EXOC6B: variants seen among roughly 807,000 people sequenced by gnomAD.
The protein encoded by EXOC6B is SEC15 homolog B.
A neutral mutation model predicts 113.5 loss-of-function variants in EXOC6B; 54 were observed. The ratio of observed to expected loss-of-function variants is 0.48; its 90% confidence interval spans 0.38 to 0.60. The LOEUF is 0.60. Ranked by LOEUF, EXOC6B falls within the 20% of genes least tolerant of loss-of-function variation. The pLI, the probability that EXOC6B is intolerant of heterozygous loss-of-function variation, is 0.00. For missense variants in EXOC6B, 797 were observed against 977.5 expected, an observed-to-expected ratio of 0.82 and a Z score of 2.46; for synonymous variants, 357 against 339.0, an observed-to-expected ratio of 1.05 and a Z score of -0.58.
intron 19 of EXOC6B, among the ~76,000 whole-genome samples, chr2:72,366,127 C>T (rs953716127): frequency 2.0e-5 from 3 of 151,790 alleles, no homozygotes; most frequent in African/African-American, 7.3e-5. Context: ...TATCAATAAC[C>T]TGGAAAATAT....
chr2:72,654,125 G>A (rs866829315), intron 6 of EXOC6B, among the ~76,000 whole-genome samples: 19 of 151,938 alleles, frequency 1.3e-4, no homozygotes, highest in African/African-American at 4.3e-4. Context: ...GCCCACCATC[G>A]CGCCCGGCTA....
intron 6 of EXOC6B, among the ~76,000 whole-genome samples, chr2:72,652,038 T>G (rs1033112884): frequency 6.6e-6 from 1 of 152,206 alleles, no homozygotes; most frequent in Non-Finnish European, 1.5e-5. Context: ...AAATAATCTG[T>G]GATCTCTAGT....
chr2:72,769,036 T>G (rs990858477), intron 1 of EXOC6B, among the ~76,000 whole-genome samples: 1 of 152,010 alleles, frequency 6.6e-6, no homozygotes, highest in Non-Finnish European at 1.5e-5. Flanking sequence ...GTGGCAGTTT[T>G]GGCTACAGAA....
chr2:72,446,377 C>T (rs1424199491), intron 18 of EXOC6B, among the ~76,000 whole-genome samples: 1 of 145,542 alleles, frequency 6.9e-6, no homozygotes, highest in Non-Finnish European at 1.5e-5. Context: ...AATACTCTGT[C>T]TCAAAAAAAA....
intron 19 of EXOC6B, among the ~76,000 whole-genome samples, chr2:72,354,807 G>A (rs575912644): frequency 1.6e-4 from 24 of 152,314 alleles, no homozygotes; most frequent in African/African-American, 3.6e-4. Context: ...GCACAGCACC[G>A]AGCAAGGACA....
At chr2:72,459,813 T>C (rs1220501420) in intron 18 of EXOC6B, among the ~76,000 whole-genome samples, 1 of 152,164 alleles carries the variant, frequency 6.6e-6, no homozygotes, top group Admixed American at 6.5e-5. Context: ...GCCATCCCCA[T>C]CAAGCTACCA....
chr2:72,706,815 G>A (rs559807322), intron 6 of EXOC6B, among the ~76,000 whole-genome samples: 47 of 152,232 alleles, frequency 3.1e-4, no homozygotes, highest in African/African-American at 1.1e-3. Flanking sequence ...CTTGAGTATA[G>A]CTGTCTTGCA....
chr2:72,814,987 T>C (rs2105144868), intron 1 of EXOC6B, among the ~76,000 whole-genome samples: 1 of 152,182 alleles, frequency 6.6e-6, no homozygotes, highest in South Asian at 2.1e-4. Context: ...CGAGACTCCG[T>C]CTCAAAAAAA....
intron 1 of EXOC6B, among the ~76,000 whole-genome samples, chr2:72,749,410 T>C (rs1006334287): frequency 3.3e-5 from 5 of 152,080 alleles, no homozygotes; most frequent in African/African-American, 9.6e-5. Context: ...ATCTAGGGCA[T>C]GTTGATAAAA....
intron 19 of EXOC6B, among the ~76,000 whole-genome samples, chr2:72,372,546 G>T (rs1479355704): frequency 1.3e-5 from 2 of 152,092 alleles, no homozygotes; most frequent in Non-Finnish European, 2.9e-5. Context: ...TTAGAGAAAG[G>T]TGTCAAGAAC....
intron 6 of EXOC6B, among the ~76,000 whole-genome samples, chr2:72,666,579 G>T (rs187046819): frequency 6.6e-6 from 1 of 151,966 alleles, no homozygotes; most frequent in African/African-American, 2.4e-5. Flanking sequence ...GAAAAAAGAA[G>T]TAAAACCATC....
chr2:72,371,377 A>G (rs1691006162), intron 19 of EXOC6B, among the ~76,000 whole-genome samples: 1 of 152,192 alleles, frequency 6.6e-6, no homozygotes, highest in Admixed American at 6.5e-5. Context: ...AATCAAAGAC[A>G]CATCGAAAAA....
At chr2:72,455,678 G>T (rs1697186726) in intron 18 of EXOC6B, among the ~76,000 whole-genome samples, 1 of 152,014 alleles carries the variant, frequency 6.6e-6, no homozygotes, top group Non-Finnish European at 1.5e-5. Context: ...TTTGTAAACT[G>T]GGAGAATAAC....
intron 5 of EXOC6B, among the ~76,000 whole-genome samples, chr2:72,723,959 T>C (rs929457210): frequency 1.3e-5 from 2 of 152,176 alleles, no homozygotes; most frequent in African/African-American, 4.8e-5. Context: ...AGTTGACTTC[T>C]AGGTCATGGG....
chr2:72,612,745 A>G (rs1036272610), intron 6 of EXOC6B, among the ~76,000 whole-genome samples: 4 of 152,210 alleles, frequency 2.6e-5, no homozygotes, highest in African/African-American at 7.2e-5. Flanking sequence ...CTACTGCTTC[A>G]TCAGCCCTAG....
At chr2:72,221,480 C>T (rs1680861277) in intron 20 of EXOC6B, among the ~76,000 whole-genome samples, 2 of 152,148 alleles carry the variant, frequency 1.3e-5, no homozygotes, top group African/African-American at 4.8e-5. Flanking sequence ...AACCTGTCCT[C>T]CCAAATCCCC....
Position 72,177,526 on chromosome 2 carries a change from C to T in EXOC6B, c.*1809G>A, listed in dbSNP as rs1428361714. On this transcript the variant is annotated 3_prime_UTR_variant, in exon 22 of 22. Transcript: ENST00000272427. ...TCTTGGCTTATCAAGTTCTGGGTGG[C>T]AGTGCTCATCCCTTACCCTCATTCT... The T allele has an allele frequency of 1.3e-5, 2 of 152,236 alleles. No individual in the cohort carries two copies. Among genetic ancestry groups the T allele is most frequent in the African/African-American group, 4.8e-5 (2 of 41,468 alleles). The allele number at this position is 152,236 out of a possible 1,614,324, so 9.4% of individuals were successfully genotyped here. A position where few individuals can be genotyped will look rare whatever the true frequency, so the allele number is the denominator to read the frequency against.
chr2:72,246,429 A>G (rs1682660694), intron 20 of EXOC6B, among the ~76,000 whole-genome samples: 1 of 151,940 alleles, frequency 6.6e-6, no homozygotes, highest in South Asian at 2.1e-4. Flanking sequence ...GGTACACAGT[A>G]GGTGCTCAGA....
Position 72,691,880 on chromosome 2 carries a change from CA to C in EXOC6B, c.669+26222del, listed in dbSNP as rs368806780. On this transcript the variant is annotated intron_variant, in intron 6 of 21. Transcript: ENST00000272427. ...TCTATTTTTAGAAGAGATGGGGTTT[CA>C]CCATGTTGGCCAGTCTGGTCTTGAA... Among the ~76,000 whole-genome samples the C allele has an allele frequency of 1.5e-4, 22 of 151,712 alleles. 2 individuals are homozygous for C. Among genetic ancestry groups the C allele is most frequent in the African/African-American group, 4.6e-4 (19 of 41,312 alleles).
Sources: allele counts gnomAD v4.1 joint callset (sites outside exome capture counted in the v4.1 genomes callset), GRCh38; gene constraint gnomAD v4.1.1; transcripts MANE v1.5; gene names NCBI Gene and HGNC (gene_info 2026-07-23, HGNC 2026-07-21).